Variants in SLC25A26 observed in about 807,000 individuals in gnomAD.
SLC25A26 encodes the protein mitochondrial S-adenosylmethionine carrier protein.
A neutral mutation model predicts 37.8 loss-of-function variants in SLC25A26; 36 were observed. The ratio of observed to expected loss-of-function variants is 0.95; its 90% CI spans 0.73 to 1.26. The LOEUF is 1.26. Ranked by LOEUF, SLC25A26 falls within the 50% of genes most tolerant of loss-of-function variation. The pLI is 0.00. For missense variants in SLC25A26, 390 were observed against 331.1 expected (o/e 1.18, Z -1.38); for synonymous variants, 129 against 122.5 (o/e 1.05, Z -0.35).
At chr3:66,338,980 T>C (rs2076149456) in intron 5 of SLC25A26, among the ~76,000 whole-genome samples, 1 of 152,092 alleles carries the variant, frequency 6.6e-6, no homozygotes, top group Non-Finnish European at 1.5e-5. Flanking sequence ...TATTCATTTA[T>C]GTGTTAATGT....
intron 1 of SLC25A26, among the ~76,000 whole-genome samples, chr3:66,222,831 G>A (rs1455846673): frequency 1.3e-5 from 2 of 152,134 alleles, no homozygotes; most frequent in East Asian, 1.9e-4. Context: ...GGTGAGTGCT[G>A]CAGTTAACAA....
At chr3:66,247,029 T>G (rs2072877793) in intron 3 of SLC25A26, among the ~76,000 whole-genome samples, 2 of 151,000 alleles carry the variant, frequency 1.3e-5, no homozygotes. Flanking sequence ...ACCCGGCTAA[T>G]TTTTTTTTGT....
intron 2 of SLC25A26, among the ~76,000 whole-genome samples, chr3:66,237,553 C>G (rs2072353995): frequency 6.6e-6 from 1 of 152,248 alleles, no homozygotes; most frequent in Non-Finnish European, 1.5e-5. Flanking sequence ...GCAAGTGTTT[C>G]TCACTAATGT....
At chr3:66,342,251 T>C (rs952692192) in intron 5 of SLC25A26, among the ~76,000 whole-genome samples, 8 of 152,184 alleles carry the variant, frequency 5.3e-5, no homozygotes, top group African/African-American at 1.9e-4. Context: ...GGTTTCTGTG[T>C]TTTTTAAACG....
chr3:66,306,179 A>C (rs2075215357), intron 5 of SLC25A26, among the ~76,000 whole-genome samples: 1 of 152,078 alleles, frequency 6.6e-6, no homozygotes. Flanking sequence ...ACAAGGTTTC[A>C]CCATGCTGGC....
chr3:66,290,137 A>T (rs979040916), intron 5 of SLC25A26, among the ~76,000 whole-genome samples: 3 of 152,176 alleles, frequency 2.0e-5, no homozygotes, highest in African/African-American at 7.2e-5. Flanking sequence ...GTGTATGGAA[A>T]TGCTTGTGAT....
intron 1 of SLC25A26, among the ~76,000 whole-genome samples, chr3:66,145,096 A>G (rs1482266054): frequency 6.6e-6 from 1 of 152,204 alleles, no homozygotes; most frequent in Non-Finnish European, 1.5e-5. Flanking sequence ...AAACTGAATT[A>G]ATGGGGCTGG....
chr3:66,244,253 A>G (rs918727774), intron 3 of SLC25A26, among the ~76,000 whole-genome samples: 3 of 152,236 alleles, frequency 2.0e-5, no homozygotes, highest in Admixed American at 6.5e-5. Flanking sequence ...CCAGTGCACA[A>G]TGATACTGGA....
chr3:66,175,072 C>A (rs1433440281), intron 1 of SLC25A26, among the ~76,000 whole-genome samples: 15 of 127,876 alleles, frequency 1.2e-4, no homozygotes, highest in Admixed American at 3.5e-4. Context: ...AGATACAGAA[C>A]CAACAGGACA....
chr3:66,267,197 T>A (rs1055593936), intron 5 of SLC25A26, among the ~76,000 whole-genome samples: 8 of 146,690 alleles, frequency 5.5e-5, no homozygotes, highest in African/African-American at 1.9e-4. Context: ...AATGCTTGAG[T>A]GGTGCTCAGT....
At chr3:66,316,314 T>C (rs1223778910) in intron 5 of SLC25A26, among the ~76,000 whole-genome samples, 1 of 152,226 alleles carries the variant, frequency 6.6e-6, no homozygotes, top group African/African-American at 2.4e-5. Context: ...GGCTTGGTGC[T>C]GATGAATTCC....
At chr3:66,172,716 A>G (rs1287678124) in intron 1 of SLC25A26, among the ~76,000 whole-genome samples, 1 of 152,136 alleles carries the variant, frequency 6.6e-6, no homozygotes, top group African/African-American at 2.4e-5. Context: ...GGCTTCTGGT[A>G]GTTTGCTGAC....
rs184061234 is a variant in SLC25A26, at chr3:66,148,034, G to A, written c.-354+14050G>A. Among the ~76,000 whole-genome samples the A allele has an allele frequency of 5.1e-3, 778 of 152,316 alleles. 3 individuals carry two copies. The highest frequency in any genetic ancestry group is 8.3e-3 in the Non-Finnish European group (567 of 68,030). ...AGCCTCCCAAAGTGTTGGGATTATA[G>A]GCGTGAGCCACCATGCCCGGCTGTT... On this transcript the variant is annotated intron_variant, in intron 1 of 10. Coordinates refer to the SLC25A26 transcript ENST00000676754.
chr3:66,342,018 G>T (rs2076220843), intron 5 of SLC25A26, among the ~76,000 whole-genome samples: 1 of 152,040 alleles, frequency 6.6e-6, no homozygotes. Flanking sequence ...ATTGGAAAAG[G>T]TTCAGAGTAT....
chr3:66,250,004 G>A (rs1306392806), intron 3 of SLC25A26, among the ~76,000 whole-genome samples: 2 of 152,176 alleles, frequency 1.3e-5, no homozygotes, highest in African/African-American at 4.8e-5. Flanking sequence ...TTCAAAGTGT[G>A]TCTGGGAGTC....
intron 5 of SLC25A26, among the ~76,000 whole-genome samples, chr3:66,305,666 A>ATG (rs1331043327): frequency 6.6e-6 from 1 of 151,042 alleles, no homozygotes; most frequent in East Asian, 2.0e-4. Flanking sequence ...CCCTGTGTCC[A>ATG]TGTGTTCTCA....
intron 5 of SLC25A26, among the ~76,000 whole-genome samples, chr3:66,346,007 A>C (rs1200388392): frequency 6.6e-6 from 1 of 152,186 alleles, no homozygotes; most frequent in Non-Finnish European, 1.5e-5. Flanking sequence ...AACCTGGGCA[A>C]CATGGTGAAA....
chr3:66,299,231 A>C (rs1202813034), intron 5 of SLC25A26, among the ~76,000 whole-genome samples: 1 of 152,096 alleles, frequency 6.6e-6, no homozygotes, highest in Non-Finnish European at 1.5e-5. Context: ...TCCCTCTGTC[A>C]CCCAGGCTGG....
chr3:66,259,265 T>C (rs780154239), intron 3 of SLC25A26, among the ~76,000 whole-genome samples: 1 of 152,248 alleles, frequency 6.6e-6, no homozygotes, highest in Non-Finnish European at 1.5e-5. Flanking sequence ...GGCTTTGATC[T>C]TCCTTTTTGG....
Sources: allele counts gnomAD v4.1 joint callset (sites outside exome capture counted in the v4.1 genomes callset), GRCh38; gene constraint gnomAD v4.1.1; transcripts MANE v1.5; gene names NCBI Gene and HGNC (gene_info 2026-07-23, HGNC 2026-07-21).